Variants in CACNA2D3 observed in about 807,000 individuals in gnomAD.
The protein encoded by CACNA2D3 is voltage-dependent calcium channel subunit alpha-2/delta-3.
A neutral mutation model predicts 160.6 loss-of-function variants in CACNA2D3; 60 were observed. The observed-to-expected ratio is 0.37, with a 90% CI of 0.30 to 0.46. CACNA2D3 has a LOEUF of 0.46. CACNA2D3 is among the 20% of genes least tolerant of loss of function. The probability of loss-of-function intolerance (pLI) is 1.00; values close to 1 mark genes in which losing one functional copy is unlikely to be tolerated. For synonymous variants in CACNA2D3, 558 were observed against 492.9 expected (o/e 1.13, Z -1.75); for missense variants, 1,205 against 1,365.0 (o/e 0.88, Z 1.85).
At chr3:54,726,511 A>G (rs1701279628) in intron 11 of CACNA2D3, among the ~76,000 whole-genome samples, 2 of 152,198 alleles carry the variant, frequency 1.3e-5, no homozygotes, top group Admixed American at 1.3e-4. Flanking sequence ...ACTTCAAACT[A>G]TACTACAAGA....
At chr3:54,732,769 T>C (rs972475814) in intron 11 of CACNA2D3, among the ~76,000 whole-genome samples, 5 of 152,194 alleles carry the variant, frequency 3.3e-5, no homozygotes, top group African/African-American at 1.2e-4. Flanking sequence ...TGCTGACCTT[T>C]GGGGCATCAT....
chr3:54,675,523 T>C (rs1235634112), intron 11 of CACNA2D3, among the ~76,000 whole-genome samples: 1 of 152,112 alleles, frequency 6.6e-6, no homozygotes, highest in African/African-American at 2.4e-5. Flanking sequence ...TCAGTCCTCT[T>C]CATCTTCTCT....
At chr3:54,255,663 G>A (rs1291880363) in intron 2 of CACNA2D3, among the ~76,000 whole-genome samples, 2 of 151,926 alleles carry the variant, frequency 1.3e-5, no homozygotes, top group African/African-American at 4.8e-5. Flanking sequence ...ACAATCTTTG[G>A]GCCTTTGTAT....
chr3:54,925,720 T>C (rs1472067031), intron 27 of CACNA2D3, among the ~76,000 whole-genome samples: 1 of 152,248 alleles, frequency 6.6e-6, no homozygotes, highest in Non-Finnish European at 1.5e-5. Context: ...CATGTGTGGC[T>C]ACCGAGCTCT....
rs1553897831 is a variant in CACNA2D3, at chr3:54,871,204, C to CACAGAG, written c.1627-332_1627-331insGAGACA. On this transcript the variant is annotated intron_variant, in intron 17 of 37. Transcript: ENST00000474759. ...GGAGACACACACACACACACACACA[C>CACAGAG]ACACACACACACACACACACCCCCC... Among the ~76,000 whole-genome samples, 148 of 145,926 alleles carry CACAGAG rather than the reference C, an allele frequency of 1.0e-3. 1 individual carries two copies. The highest frequency in any genetic ancestry group is 3.8e-3 in the African/African-American group (142 of 37,318).
At chr3:54,246,163 G>T (rs889184870) in intron 2 of CACNA2D3, among the ~76,000 whole-genome samples, 1 of 152,136 alleles carries the variant, frequency 6.6e-6, no homozygotes, top group Non-Finnish European at 1.5e-5. Flanking sequence ...GAAATGGCTC[G>T]AAGGAAAAAT....
chr3:55,018,908 G>A (rs78323247), intron 35 of CACNA2D3, among the ~76,000 whole-genome samples: 2,509 of 148,974 alleles, frequency 0.017, 63 homozygotes, highest in African/African-American at 0.058. Context: ...CATTGTATGT[G>A]GGTCTTCCTA....
At chr3:54,800,496 C>T (rs1702960503) in intron 13 of CACNA2D3, among the ~76,000 whole-genome samples, 1 of 152,136 alleles carries the variant, frequency 6.6e-6, no homozygotes, top group Non-Finnish European at 1.5e-5. Context: ...CCTTATTTTT[C>T]AGATACAATG....
At chr3:54,444,986 A>T (rs1365761536) in intron 4 of CACNA2D3, among the ~76,000 whole-genome samples, 1 of 152,194 alleles carries the variant, frequency 6.6e-6, no homozygotes, top group Non-Finnish European at 1.5e-5. Flanking sequence ...CCTTAAACAG[A>T]GTGAGCCTCT....
At chr3:55,045,879 AT>A (rs1553638207) in intron 35 of CACNA2D3, among the ~76,000 whole-genome samples, 6 of 151,820 alleles carry the variant, frequency 4.0e-5, no homozygotes, top group Non-Finnish European at 8.8e-5. Context: ...ATTGTTTTCT[AT>A]TCTCAATTCT....
intron 2 of CACNA2D3, among the ~76,000 whole-genome samples, chr3:54,258,912 T>C (rs1702352043): frequency 6.6e-6 from 1 of 152,222 alleles, no homozygotes; most frequent in Non-Finnish European, 1.5e-5. Flanking sequence ...TGCATGTGAT[T>C]AGATACAGCA....
At chr3:54,664,571 T>G (rs964538947) in intron 11 of CACNA2D3, among the ~76,000 whole-genome samples, 2 of 152,236 alleles carry the variant, frequency 1.3e-5, no homozygotes, top group Admixed American at 6.5e-5. Flanking sequence ...ATAAGTTAAC[T>G]GCAAATGAAA....
At chr3:54,711,384 A>G (rs760368848) in intron 11 of CACNA2D3, among the ~76,000 whole-genome samples, 1 of 152,216 alleles carries the variant, frequency 6.6e-6, no homozygotes, top group Non-Finnish European at 1.5e-5. Context: ...CAGCAGCTCA[A>G]AGTAATTTTT....
chr3:54,422,475 A>G (rs996465274), intron 4 of CACNA2D3, among the ~76,000 whole-genome samples: 12 of 152,222 alleles, frequency 7.9e-5, no homozygotes, highest in Admixed American at 6.5e-4. Flanking sequence ...AATAACAACA[A>G]TATCAAAATA....
chr3:54,144,977 A>G (rs963633276), intron 2 of CACNA2D3, among the ~76,000 whole-genome samples: 7 of 152,142 alleles, frequency 4.6e-5, no homozygotes, highest in Non-Finnish European at 8.8e-5. Context: ...TGTTTTAACT[A>G]CTCGCTGTGG....
chr3:54,329,745 CATA>C (rs574345629), intron 3 of CACNA2D3, among the ~76,000 whole-genome samples: 5 of 151,614 alleles, frequency 3.3e-5, no homozygotes, highest in African/African-American at 4.8e-5. Flanking sequence ...AGAAGAAAGC[CATA>C]ATAATAATAA....
intron 27 of CACNA2D3, among the ~76,000 whole-genome samples, chr3:54,936,695 G>A (rs1227834778): frequency 2.6e-5 from 4 of 152,060 alleles, no homozygotes; most frequent in African/African-American, 4.8e-5. Flanking sequence ...CAGTCAGCCC[G>A]TCGCTAGTAG....
At chr3:54,688,187 G>A (rs1348047747) in intron 11 of CACNA2D3, among the ~76,000 whole-genome samples, 1 of 152,178 alleles carries the variant, frequency 6.6e-6, no homozygotes, top group Non-Finnish European at 1.5e-5. Flanking sequence ...GTCCCCAAGA[G>A]CATGAAGCTC....
intron 9 of CACNA2D3, among the ~76,000 whole-genome samples, chr3:54,603,560 G>C (rs746072938): frequency 7.9e-5 from 12 of 152,290 alleles, no homozygotes; most frequent in Non-Finnish European, 1.2e-4. Flanking sequence ...TCCTGACCCG[G>C]GGAAGGCTGT....
Sources: gnomAD v4.1 joint callset for allele counts (sites outside exome capture counted in the v4.1 genomes callset) on GRCh38, gnomAD v4.1.1 for gene constraint, MANE v1.5 for transcripts, NCBI Gene and HGNC (gene_info 2026-07-23, HGNC 2026-07-21) for gene names.